Variants in KLHL26 observed in about 807,000 individuals in gnomAD.
The protein encoded by KLHL26 is kelch-like protein 26.
Under a neutral mutation model 7.1 loss-of-function variants are expected in KLHL26, and 4 were observed. The observed-to-expected ratio is 0.56, with a 90% CI of 0.28 to 1.28. The LOEUF (loss-of-function observed/expected upper bound fraction) is 1.28, where lower values mean the gene tolerates loss of function less well. Among genes scored for constraint, KLHL26 ranks in the 50% most tolerant of loss-of-function variants. KLHL26 has a pLI of 0.11. For missense variants in KLHL26, 896 were observed against 924.6 expected, an observed-to-expected ratio of 0.97 and a Z score of 0.40; for synonymous variants, 465 against 414.1, an observed-to-expected ratio of 1.12 and a Z score of -1.49.
chr19:18,655,382 C>G (rs969240343), intron 1 of KLHL26, among the ~76,000 whole-genome samples: 1 of 152,348 alleles, frequency 6.6e-6, no homozygotes, highest in East Asian at 1.9e-4. Flanking sequence ...GGCCCACCCA[C>G]CTGGGACCGG....
rs750630360 is a variant in KLHL26 at position 18,668,605 on chromosome 19, G to A, written c.1208G>A (p.Arg403His). 4 of 1,587,238 alleles carry A rather than the reference G, an allele frequency of 2.5e-6. No individual in the cohort carries two copies. The highest frequency in any genetic ancestry group is 3.4e-6 in the Non-Finnish European group (4 of 1,172,832). ...WLRLQAMQESRIQFQLNVLCG... is the reference protein window; with the variant it reads ...WLRLQAMQESHIQFQLNVLCG... ...CGCCTGCAGGCCATGCAGGAAAGCC[G>A]CATCCAGTTCCAGCTGAACGTGCTG... Residue 403 changes from arginine (R) to histidine (H), a missense_variant, in exon 3 of 3, where the codon CGC becomes CAC. Arg to His is a conservative substitution (Grantham distance 29). Coordinates refer to ENST00000300976, the MANE Select transcript of KLHL26 (RefSeq NM_018316.3).
At position 18,656,325 on chromosome 19, in the gene KLHL26, C is replaced by T. The variant is rs1330630126; in HGVS notation, c.84-7936C>T. On this transcript the variant is annotated intron_variant, in intron 1 of 2. Transcript: ENST00000300976. This position sits in a 1 kb window ranked among gnomAD's most constrained non-coding sequence, Gnocchi z 4.4. The stretch of plus-strand genomic sequence containing the variant: ...TGGGGTCATTGGTCGTGGTCCTTTC[C>T]AATTGATCCTCGATTCCGAAACCTG... Among the ~76,000 whole-genome samples, 1 of 152,144 alleles carries T rather than the reference C, an allele frequency of 6.6e-6. No individual in the cohort carries two copies. Among genetic ancestry groups the T allele is most frequent in the Non-Finnish European group, 1.5e-5 (1 of 68,022 alleles).
In KLHL26 at chr19:18,667,983, G is replaced by A. The variant is rs1320879017; in HGVS notation, c.586G>A (p.Ala196Thr). ...AFTFRHFLQI[A>T]EEEDFLRLPL... Reference sequence around the variant, plus strand: ...CACCTTCCGGCACTTCCTGCAGATCGCCGAGGAGGAGGATTTCCTGCGCCT... The same window carrying A: ...CACCTTCCGGCACTTCCTGCAGATCACCGAGGAGGAGGATTTCCTGCGCCT... The change falls in exon 3 of 3, where the codon GCC becomes ACC. Residue 196 changes from alanine (A) to threonine (T), a missense_variant. Ala to Thr is a moderately conservative substitution (Grantham distance 58, BLOSUM62 0). Coordinates refer to ENST00000300976, the MANE Select transcript of KLHL26 (RefSeq NM_018316.3). 7 of 1,608,102 alleles carry A rather than the reference G, an allele frequency of 4.4e-6. No homozygotes were observed. Among genetic ancestry groups the A allele is most frequent in the African/African-American group, 1.3e-5 (1 of 74,934 alleles).
intron 1 of KLHL26, 141 bp downstream of exon 1, chr19:18,637,278 C>A (rs1453829854): frequency 1.5e-5 from 14 of 942,860 alleles, no homozygotes; most frequent in African/African-American, 1.7e-5. Context: ...CTTTACGGGG[C>A]CGTGGGGTAC....
At position 18,669,280 on chromosome 19, in the gene KLHL26, T is replaced by G. The variant is rs775877395; in HGVS notation, c.*35T>G. The G allele has an allele frequency of 1.3e-6, 2 of 1,539,348 alleles. No individual in the cohort carries two copies. The highest frequency in any genetic ancestry group is 2.3e-5 in the South Asian group (2 of 88,038). ...CCCCCGGGACCCTGGCCTGACCGCATGTTGTCTCCAAGTGGGGCTTGGCGA... is the reference window on the plus strand; with the variant it reads ...CCCCCGGGACCCTGGCCTGACCGCAGGTTGTCTCCAAGTGGGGCTTGGCGA... On this transcript the variant is annotated 3_prime_UTR_variant, in exon 3 of 3. Coordinates refer to ENST00000300976, the MANE Select transcript of KLHL26 (RefSeq NM_018316.3).
intron 1 of KLHL26, among the ~76,000 whole-genome samples, 195 bp from the exon 2 acceptor site, chr19:18,664,065 CT>C (rs1303286589): frequency 3.3e-5 from 5 of 151,996 alleles, no homozygotes; most frequent in African/African-American, 1.2e-4. Context: ...TCACTCCCCC[CT>C]CCCCTCCCCC....
chr19:18,665,959 C>T (rs2052443905), intron 2 of KLHL26, among the ~76,000 whole-genome samples: 1 of 152,220 alleles, frequency 6.6e-6, no homozygotes, highest in Non-Finnish European at 1.5e-5. Flanking sequence ...CCAACTGGGG[C>T]GCCGCTTCTA....
intron 1 of KLHL26, among the ~76,000 whole-genome samples, chr19:18,658,846 G>T (rs899237942): frequency 7.3e-6 from 1 of 136,628 alleles, no homozygotes; most frequent in Non-Finnish European, 1.6e-5. Context: ...CCCTTTCTCT[G>T]GGTCTCTGTC....
At position 18,668,357 on chromosome 19, in the gene KLHL26, C is replaced by G. The variant is rs754258314; in HGVS notation, c.960C>G (p.Thr320=). Residue 320 remains threonine (T), a synonymous_variant, in exon 3 of 3, where the codon ACC becomes ACG. Transcript: ENST00000300976. ...TCACCTTCGGCGGCACGCCCTACAC[C>G]GACAGCGACCGCTCGGTCAGCAGCA... is the stretch of plus-strand genomic sequence containing the variant. ...SLVTFGGTPY[T]DSDRSVSSKV... is the part of the protein sequence containing the mutation. 6.8e-5 allele frequency: 109 copies of G among 1,607,538 alleles called. No homozygotes were observed. Among genetic ancestry groups the G allele is most frequent in the Non-Finnish European group, 8.9e-5 (105 of 1,178,748 alleles).
At chr19:18,661,587 C>G (rs2052392332) in intron 1 of KLHL26, among the ~76,000 whole-genome samples, 1 of 152,160 alleles carries the variant, frequency 6.6e-6, no homozygotes, top group African/African-American at 2.4e-5. Context: ...AGCCTCCTCA[C>G]CCATCTATAG....
rs1438363304 is a variant in KLHL26 at position 18,668,057 on chromosome 19, C to T, written c.660C>T (p.Ser220=). The T allele has an allele frequency of 5.0e-6, 8 of 1,607,542 alleles. No homozygotes were observed. The highest frequency in any genetic ancestry group is 6.8e-6 in the Non-Finnish European group (8 of 1,179,914). The change falls in exon 3 of 3, where the codon AGC becomes AGT. Residue 220 remains serine, a synonymous_variant. Coordinates refer to ENST00000300976, the MANE Select transcript of KLHL26 (RefSeq NM_018316.3). The part of the protein sequence containing the change: ...VFFLQSNRLQ[S]CAEIDLFRAA... ...TCCTGCAGAGCAACCGGCTGCAGAG[C>T]TGTGCCGAGATCGACCTGTTCCGCG... is the stretch of plus-strand genomic sequence containing the variant.
rs1306731815 is a variant in KLHL26 at position 18,656,447 on chromosome 19, G to A, written c.84-7814G>A. On this transcript the variant is annotated intron_variant, in intron 1 of 2. Coordinates refer to ENST00000300976, the MANE Select transcript of KLHL26 (RefSeq NM_018316.3). The surrounding 1 kb of genome is among the most constrained non-coding windows in gnomAD (Gnocchi z 4.4). ...GGCCGTCACTTGGCTGTCTGGGGGT[G>A]CCAGCCCTGGGTACAGTGGCCTCCT... Among the ~76,000 whole-genome samples the A allele has an allele frequency of 6.6e-6, 1 of 152,162 alleles. No individual in the cohort carries two copies. The highest frequency in any genetic ancestry group is 2.4e-5 in the African/African-American group (1 of 41,434).
At chr19:18,637,283 G>A in intron 1 of KLHL26, 146 bp downstream of exon 1, 2 of 901,830 alleles carry the variant, frequency 2.2e-6, no homozygotes, top group Non-Finnish European at 2.9e-6. Context: ...CGGGGCCGTG[G>A]GGTACTGGAG....
At position 18,649,913 on chromosome 19, in the gene KLHL26, G is replaced by T. The variant is rs1976873640; in HGVS notation, c.83+12776G>T. On this transcript the variant is annotated intron_variant, in intron 1 of 2. Transcript: ENST00000300976. This position sits in a 1 kb window ranked among gnomAD's most constrained non-coding sequence, Gnocchi z 4.0. ...AGCGTGATTTCAGACCCCTCACTGCGCAGCGGAGTGCCTGATCGCTCTGTG... is the reference window on the plus strand; with the variant it reads ...AGCGTGATTTCAGACCCCTCACTGCTCAGCGGAGTGCCTGATCGCTCTGTG... Among the ~76,000 whole-genome samples the T allele has an allele frequency of 6.6e-6, 1 of 152,204 alleles. No homozygotes were observed. Among genetic ancestry groups the T allele is most frequent in the Non-Finnish European group, 1.5e-5 (1 of 68,040 alleles).
rs776023307 is a variant in KLHL26 at position 18,669,254 on chromosome 19, A to AC, written c.*14dup. The AC allele has an allele frequency of 8.8e-6, 14 of 1,597,772 alleles. No individual in the cohort carries two copies. The highest frequency in any genetic ancestry group is 3.4e-5 in the Admixed American group (2 of 59,208). On this transcript the variant is annotated 3_prime_UTR_variant, in exon 3 of 3. Transcript: ENST00000300976. ...CCGGGACCAGGAGGTAGCCCCCAAG[A>AC]CCCCCGGGACCCTGGCCTGACCGCA...
At chr19:18,654,088 C>T (rs1488415853) in intron 1 of KLHL26, among the ~76,000 whole-genome samples, 2 of 140,170 alleles carry the variant, frequency 1.4e-5, no homozygotes, top group African/African-American at 5.4e-5. Context: ...CCCACCCTTT[C>T]ATCAGGCCAC....
intron 1 of KLHL26, among the ~76,000 whole-genome samples, chr19:18,642,231 G>A (rs534528027): frequency 1.3e-5 from 2 of 152,066 alleles, no homozygotes; most frequent in Non-Finnish European, 2.9e-5. Flanking sequence ...ACCTGCCCAC[G>A]TCTCCTTCCT....
At chr19:18,667,612 C>A in intron 2 of KLHL26, 52 bp from the exon 3 acceptor site, 1 of 1,566,802 alleles carries the variant, frequency 6.4e-7, no homozygotes, top group Non-Finnish European at 8.7e-7. Context: ...TCCTGGCTGG[C>A]CAAAACACCC....
chr19:18,652,101 G>T (rs1040297547), intron 1 of KLHL26, among the ~76,000 whole-genome samples: 18 of 152,208 alleles, frequency 1.2e-4, no homozygotes, highest in Non-Finnish European at 2.4e-4. Context: ...TCAGGAGTGT[G>T]GTGGAGGGAG....
Sources: gnomAD v4.1 joint callset for allele counts (sites outside exome capture counted in the v4.1 genomes callset) on GRCh38, gnomAD v4.1.1 for gene constraint, Gnocchi (gnomAD v3.1) non-coding constraint, MANE v1.5 for transcripts, NCBI Gene and HGNC (gene_info 2026-07-23, HGNC 2026-07-21) for gene names.